Variants in DENND2B observed in about 807,000 individuals in gnomAD.
The protein encoded by DENND2B is DENN domain-containing protein 2B.
DENND2B carries 32 observed loss-of-function variants against 116.0 expected under a neutral mutation model. The observed-to-expected ratio is 0.28, with a 90% confidence interval of 0.21 to 0.37. DENND2B has a LOEUF of 0.37. Ranked by LOEUF, DENND2B falls within the 10% of genes least tolerant of loss-of-function variation. The pLI is 1.00. For missense variants in DENND2B, 1,276 were observed against 1,477.7 expected (o/e 0.86, Z 2.24); for synonymous variants, 588 against 583.9 (o/e 1.01, Z -0.10).
At chr11:8,722,973 C>G (rs1487100283) in intron 4 of DENND2B, among the ~76,000 whole-genome samples, 1 of 152,202 alleles carries the variant, frequency 6.6e-6, no homozygotes, top group South Asian at 2.1e-4. Flanking sequence ...TGTACTCAGC[C>G]ACCCAAGAGG....
chr11:8,901,063 T>G (rs866171790), intron 1 of DENND2B, among the ~76,000 whole-genome samples: 1 of 151,072 alleles, frequency 6.6e-6, no homozygotes, highest in Non-Finnish European at 1.5e-5. Flanking sequence ...AATTTTAATA[T>G]CTTTTCAAAG....
At chr11:8,848,843 A>C (rs2062898853) in intron 3 of DENND2B, among the ~76,000 whole-genome samples, 1 of 152,034 alleles carries the variant, frequency 6.6e-6, no homozygotes, top group Non-Finnish European at 1.5e-5. Flanking sequence ...GTATCTACTG[A>C]GTACCAGGTA....
intron 8 of DENND2B, 49 bp downstream of exon 8, chr11:8,713,949 C>T (rs765455307): frequency 1.2e-6 from 2 of 1,604,156 alleles, no homozygotes; most frequent in East Asian, 4.5e-5. Context: ...GGCTGATTCC[C>T]TGCAGCCCTG....
At position 8,776,181 on chromosome 11, in the gene DENND2B, CA is replaced by C. The variant is rs779453322; in HGVS notation, c.-25-25457del. ...GCGCGCACACACACACACACACACACACACACCTACCTCTCTCCAGGCAGGA... is the reference window on the plus strand; with the variant it reads ...GCGCGCACACACACACACACACACACCACACCTACCTCTCTCCAGGCAGGA... On this transcript the variant is annotated intron_variant, in intron 1 of 19. Coordinates refer to ENST00000313726, the MANE Select transcript of DENND2B (RefSeq NM_213618.2). 2.9e-3 allele frequency: 1,335 copies of C among 455,522 alleles called. 7 individuals are homozygous for C. The highest frequency in any genetic ancestry group is 4.9e-3 in the South Asian group (315 of 64,438). The allele number at this position is 455,522 out of a possible 1,614,324, so 28.2% of individuals were successfully genotyped here.
At chr11:8,901,229 C>CTTTTTTTTTTTTTTTTTTTTTTT (rs1555223231) in intron 1 of DENND2B, among the ~76,000 whole-genome samples, 1 of 83,918 alleles carries the variant, frequency 1.2e-5, no homozygotes, top group Non-Finnish European at 2.2e-5. Context: ...CTTTTCTTTT[C>CTTTTTTTTTTTTTTTTTTTTTTT]TTTTTTTTTT....
chr11:8,905,782 C>A (rs1253328291), intron 1 of DENND2B, among the ~76,000 whole-genome samples: 1 of 151,704 alleles, frequency 6.6e-6, no homozygotes, highest in East Asian at 1.9e-4. Flanking sequence ...GACCATCAAC[C>A]AGTAAATGGA....
At chr11:8,859,407 A>C (rs2063317058) in intron 2 of DENND2B, among the ~76,000 whole-genome samples, 1 of 151,988 alleles carries the variant, frequency 6.6e-6, no homozygotes, top group Non-Finnish European at 1.5e-5. Flanking sequence ...TCCCGGGTTC[A>C]CGCCATTCTC....
chr11:8,719,628 C>T (rs533718360), intron 4 of DENND2B, among the ~76,000 whole-genome samples: 1 of 152,344 alleles, frequency 6.6e-6, no homozygotes, highest in South Asian at 2.1e-4. Context: ...CTCCAGCCTA[C>T]CCCACTGTGG....
intron 4 of DENND2B, among the ~76,000 whole-genome samples, chr11:8,823,996 G>A (rs12288224): frequency 0.075 from 11,310 of 150,588 alleles, 633 homozygotes; most frequent in East Asian, 0.22. Flanking sequence ...TCCGCCTCCC[G>A]GGTTCAAGCG....
At chr11:8,826,075 G>A (rs548229506) in intron 4 of DENND2B, among the ~76,000 whole-genome samples, 1 of 152,296 alleles carries the variant, frequency 6.6e-6, no homozygotes, top group East Asian at 1.9e-4. Flanking sequence ...GATTCATGAG[G>A]TTGTAAGTTC....
At position 8,712,571 on chromosome 11, in the gene DENND2B, C is replaced by T; in HGVS notation, c.2152G>A (p.Val718Ile). 1 of 1,553,624 alleles carries T rather than the reference C, an allele frequency of 6.4e-7. No individual in the cohort carries two copies. The highest frequency in any genetic ancestry group is 8.7e-7 in the Non-Finnish European group (1 of 1,147,878). ...CTCACCTTGGGAAACTGGTAGGAGA[C>T]TTCGGGGAGGTAGGTGTTTCGCGAT... ...KPSRNTYLPE[V>I]SYQFPKLDRP... Residue 718 changes from valine (V) to isoleucine (I), a missense_variant, in exon 9 of 20, where the codon GTC becomes ATC. Val to Ile is a conservative substitution (Grantham distance 29, BLOSUM62 3). Transcript: ENST00000313726. This position sits in a 1 kb window ranked among gnomAD's most constrained non-coding sequence, Gnocchi z 4.4.
intron 3 of DENND2B, among the ~76,000 whole-genome samples, chr11:8,849,219 G>A (rs956738119): frequency 3.3e-5 from 5 of 152,086 alleles, no homozygotes; most frequent in African/African-American, 1.2e-4. Flanking sequence ...CAGGCCGGGC[G>A]CGGTGGCTCA....
At chr11:8,711,354 C>T (rs1329824741) in intron 9 of DENND2B, 123 bp from the exon 10 acceptor site, 1 of 738,054 alleles carries the variant, frequency 1.4e-6, no homozygotes, top group African/African-American at 1.7e-5. Flanking sequence ...CTCAGCAACC[C>T]TTGTCCCACT....
intron 4 of DENND2B, chr11:8,832,653 G>A (rs1162714671): frequency 6.6e-6 from 1 of 152,566 alleles, no homozygotes; most frequent in Non-Finnish European, 1.5e-5. Context: ...CAGAGGCAGA[G>A]TTGGGCAGAA....
intron 3 of DENND2B, among the ~76,000 whole-genome samples, chr11:8,843,275 A>G (rs1040718502): frequency 1.3e-5 from 2 of 151,978 alleles, no homozygotes; most frequent in Admixed American, 6.6e-5. Flanking sequence ...CCCAAAGTGC[A>G]GGGATTACAG....
At chr11:8,837,744 T>G in intron 4 of DENND2B, among the ~76,000 whole-genome samples, 1 of 152,202 alleles carries the variant, frequency 6.6e-6, no homozygotes, top group Non-Finnish European at 1.5e-5. Flanking sequence ...TACAAGAATT[T>G]GAACATAGCC....
intron 16 of DENND2B, among the ~76,000 whole-genome samples, chr11:8,698,137 C>CAAAAAAAAAAAAA (rs33975736): frequency 1.8e-4 from 7 of 39,806 alleles, no homozygotes; most frequent in East Asian, 1.1e-3. Flanking sequence ...ACCCTGTCTC[C>CAAAAAAAAAAAAA]AAAAAAAAAA....
intron 2 of DENND2B, among the ~76,000 whole-genome samples, chr11:8,859,366 G>T (rs1057413142): frequency 1.8e-4 from 28 of 152,020 alleles, no homozygotes; most frequent in African/African-American, 6.3e-4. Flanking sequence ...GGAGTGCAGT[G>T]GCGCGATCTC....
intron 2 of DENND2B, among the ~76,000 whole-genome samples, chr11:8,879,152 T>C (rs2063875508): frequency 6.6e-6 from 1 of 152,256 alleles, no homozygotes; most frequent in South Asian, 2.1e-4. Flanking sequence ...GCCATGTGAC[T>C]GTCCAACCCT....
Sources: gnomAD v4.1 joint callset for allele counts (sites outside exome capture counted in the v4.1 genomes callset) on GRCh38, gnomAD v4.1.1 for gene constraint, Gnocchi (gnomAD v3.1) non-coding constraint, MANE v1.5 for transcripts, NCBI Gene and HGNC (gene_info 2026-07-23, HGNC 2026-07-21) for gene names.